The following CDH8 variants were observed in gnomAD, a reference collection of about 807,000 sequenced individuals.
The protein encoded by CDH8 is cadherin 8.
In CDH8, 17 loss-of-function variants were observed where a neutral mutation model predicts 68.1. That is an observed-to-expected ratio of 0.25 (90% CI 0.17 to 0.37). The LOEUF is 0.37. Ranked by LOEUF, CDH8 falls within the 10% of genes least tolerant of loss-of-function variation. The probability of loss-of-function intolerance (pLI) is 1.00; values close to 1 mark genes in which losing one functional copy is unlikely to be tolerated. For missense variants in CDH8, 763 were observed against 999.3 expected (o/e 0.76, Z 3.19); for synonymous variants, 372 against 365.1 (o/e 1.02, Z -0.21).
chr16:62,031,538 G>A (rs1394710459), intron 1 of CDH8, among the ~76,000 whole-genome samples: 1 of 152,014 alleles, frequency 6.6e-6, no homozygotes, highest in Non-Finnish European at 1.5e-5. Flanking sequence ...ATTGTCTTTG[G>A]CAGTGGAGGC....
chr16:61,937,158 G>A (rs752231742), intron 2 of CDH8, among the ~76,000 whole-genome samples: 1 of 152,140 alleles, frequency 6.6e-6, no homozygotes, highest in African/African-American at 2.4e-5. Context: ...CAGCACTCAA[G>A]TGTAGTTAGT....
In CDH8 at chr16:61,768,371, T is replaced by TC. The variant is rs1960676347; in HGVS notation, c.1414+20974_1414+20975insG. On this transcript the variant is annotated intron_variant, in intron 8 of 11. Coordinates refer to ENST00000577390, the MANE Select transcript of CDH8 (RefSeq NM_001796.5). Reference sequence around the variant, plus strand: ...CTCTCTCTCTCTCTCTCTCTCTCCCTTTCTCTCTCTCTCTCTCTCTCTCCC... The same window carrying TC: ...CTCTCTCTCTCTCTCTCTCTCTCCCTCTTCTCTCTCTCTCTCTCTCTCTCCC... Among the ~76,000 whole-genome samples, 29 of 34,168 alleles carry TC rather than the reference T, an allele frequency of 8.5e-4. 1 individual carries two copies. The highest frequency in any genetic ancestry group is 1.1e-3 in the African/African-American group (8 of 7,432). The allele number at this position is 34,168 out of a possible 152,430, so 22.4% of individuals were successfully genotyped here. A position where few individuals can be genotyped will look rare whatever the true frequency, so the allele number is the denominator to read the frequency against.
chr16:61,945,092 T>C (rs1344303545), intron 2 of CDH8, among the ~76,000 whole-genome samples: 1 of 152,122 alleles, frequency 6.6e-6, no homozygotes, highest in African/African-American at 2.4e-5. Context: ...GAGGAGAACA[T>C]TTGGCTTTTG....
At chr16:61,899,309 T>G (rs1467216150) in intron 3 of CDH8, among the ~76,000 whole-genome samples, 2 of 152,158 alleles carry the variant, frequency 1.3e-5, no homozygotes, top group Non-Finnish European at 2.9e-5. Context: ...ATTTTTAATG[T>G]GAAATTTGAG....
At chr16:61,798,768 TGAA>T (rs1208063134) in intron 7 of CDH8, among the ~76,000 whole-genome samples, 1 of 152,172 alleles carries the variant, frequency 6.6e-6, no homozygotes, top group Non-Finnish European at 1.5e-5. Flanking sequence ...GAAGAAGTCT[TGAA>T]GAAACACTCC....
At chr16:61,853,149 T>C (rs1233078910) in intron 4 of CDH8, among the ~76,000 whole-genome samples, 1 of 152,024 alleles carries the variant, frequency 6.6e-6, no homozygotes, top group Non-Finnish European at 1.5e-5. Context: ...GAACAAATGG[T>C]ATATCTCTCT....
intron 7 of CDH8, among the ~76,000 whole-genome samples, chr16:61,816,894 G>A (rs1436378): frequency 0.12 from 17,566 of 152,150 alleles, 1,192 homozygotes; most frequent in Non-Finnish European, 0.15. Context: ...TGAAATGGCA[G>A]AGAAAGATTT....
In CDH8 at chr16:61,652,010, G is replaced by C. The variant is rs575653131; in HGVS notation, c.*1598C>G. ...TGAAAAAAAAATTAATGACAACAAA[G>C]GTATTTATAAAAATATATTTCACAA... On this transcript the variant is annotated 3_prime_UTR_variant, in exon 12 of 12. Transcript: ENST00000577390. 1.5e-5 allele frequency: 12 copies of C among 792,704 alleles called. No individual in the cohort carries two copies. The South Asian group carries it at 6.4e-4, about 42-fold the overall frequency. 49.1% of individuals were successfully genotyped at this position (792,704 alleles called of 1,614,324 possible). A position where few individuals can be genotyped will look rare whatever the true frequency, so the allele number is the denominator to read the frequency against.
intron 4 of CDH8, among the ~76,000 whole-genome samples, chr16:61,849,095 A>G (rs190863216): frequency 4.6e-5 from 7 of 152,212 alleles, no homozygotes. Context: ...TTTTGTTGTA[A>G]TATTGATTCT....
chr16:61,863,397 C>A (rs1479986221), intron 3 of CDH8, among the ~76,000 whole-genome samples: 1 of 152,054 alleles, frequency 6.6e-6, no homozygotes, highest in Admixed American at 6.6e-5. Context: ...GGTGGAGGTT[C>A]CAGTTTGCTG....
chr16:61,728,934 G>A (rs887413336), intron 8 of CDH8, among the ~76,000 whole-genome samples: 19 of 151,090 alleles, frequency 1.3e-4, no homozygotes, highest in African/African-American at 4.6e-4. Context: ...AATGTCATGT[G>A]AGAAAAATTA....
intron 2 of CDH8, among the ~76,000 whole-genome samples, chr16:61,979,398 C>A (rs889176456): frequency 1.3e-5 from 2 of 152,156 alleles, no homozygotes; most frequent in African/African-American, 4.8e-5. Flanking sequence ...AACATAAATT[C>A]TCCATAAACA....
At chr16:62,006,704 AAGG>A (rs1323934197) in intron 2 of CDH8, among the ~76,000 whole-genome samples, 2 of 152,238 alleles carry the variant, frequency 1.3e-5, no homozygotes, top group Non-Finnish European at 2.9e-5. Context: ...TTAAAAATAA[AAGG>A]TTTTATAAAA....
intron 7 of CDH8, among the ~76,000 whole-genome samples, chr16:61,797,312 G>T (rs968483530): frequency 2.0e-5 from 3 of 151,946 alleles, no homozygotes; most frequent in African/African-American, 7.2e-5. Flanking sequence ...GAATGTCGTG[G>T]ATCTTTCATT....
chr16:61,947,504 T>C (rs551690716), intron 2 of CDH8, among the ~76,000 whole-genome samples: 1 of 152,296 alleles, frequency 6.6e-6, no homozygotes, highest in East Asian at 1.9e-4. Context: ...GGAGTTCTCA[T>C]TCTAGGTTGA....
chr16:61,987,532 TAAATC>T (rs1388301926), intron 2 of CDH8, among the ~76,000 whole-genome samples: 2 of 151,876 alleles, frequency 1.3e-5, no homozygotes, highest in South Asian at 4.2e-4. Context: ...CAAAATGAAA[TAAATC>T]AAATCAAATC....
At chr16:61,921,091 C>A (rs868803461) in intron 2 of CDH8, among the ~76,000 whole-genome samples, 12 of 117,320 alleles carry the variant, frequency 1.0e-4, no homozygotes, top group African/African-American at 4.1e-4. Flanking sequence ...ACATCACACT[C>A]TGGGGACTGT....
At chr16:61,801,884 G>T (rs1961650623) in intron 7 of CDH8, among the ~76,000 whole-genome samples, 2 of 151,386 alleles carry the variant, frequency 1.3e-5, no homozygotes, top group Admixed American at 1.3e-4. Context: ...CAGCGAGGCT[G>T]GGGGAGGGGC....
At chr16:61,743,723 C>G (rs188986444) in intron 8 of CDH8, among the ~76,000 whole-genome samples, 1 of 151,878 alleles carries the variant, frequency 6.6e-6, no homozygotes, top group African/African-American at 2.4e-5. Context: ...ATTTTCAGCC[C>G]CTTTGAAGTG....
Sources: gnomAD v4.1 joint callset for allele counts (sites outside exome capture counted in the v4.1 genomes callset) on GRCh38, gnomAD v4.1.1 for gene constraint, MANE v1.5 for transcripts, NCBI Gene and HGNC (gene_info 2026-07-23, HGNC 2026-07-21) for gene names.